The following C2CD5 variants were observed in gnomAD, a reference collection of about 807,000 sequenced individuals.
C2CD5 encodes C2 domain-containing protein 5.
Under a neutral mutation model 130.3 loss-of-function variants are expected in C2CD5, and 109 were observed. That is an observed-to-expected ratio of 0.84 (90% confidence interval 0.72 to 0.98). The LOEUF is 0.98. Among genes scored for constraint, C2CD5 ranks in the 50% least tolerant of loss-of-function variants. The probability of loss-of-function intolerance (pLI) is 0.00; values close to 1 mark genes in which losing one functional copy is unlikely to be tolerated. For synonymous variants in C2CD5, 454 were observed against 429.2 expected, an observed-to-expected ratio of 1.06 and a Z score of -0.71; for missense variants, 996 against 1,261.8, an observed-to-expected ratio of 0.79 and a Z score of 3.19.
rs112188075 is a variant in C2CD5, at chr12:22,449,519, T to C, written c.*241A>G. On this transcript the variant is annotated 3_prime_UTR_variant, in exon 27 of 27. Coordinates refer to ENST00000446597, the MANE Select transcript of C2CD5 (RefSeq NM_001286176.2). Reference sequence around the variant, plus strand: ...AAAGGTTCCATCTTTGCTACGGTTCTTTTAAAAATTTATCTTAACTTACTG... The same window carrying C: ...AAAGGTTCCATCTTTGCTACGGTTCCTTTAAAAATTTATCTTAACTTACTG... 1.8e-5 allele frequency: 6 copies of C among 338,992 alleles called. No homozygotes were observed. Among genetic ancestry groups the C allele is most frequent in the African/African-American group, 8.4e-5 (4 of 47,470 alleles). The allele number at this position is 338,992 out of a possible 1,614,324, so 21.0% of individuals were successfully genotyped here. A position where few individuals can be genotyped will look rare whatever the true frequency, so the allele number is the denominator to read the frequency against.
chr12:22,495,099 A>C (rs1946841304), intron 10 of C2CD5, among the ~76,000 whole-genome samples: 1 of 152,132 alleles, frequency 6.6e-6, no homozygotes, highest in African/African-American at 2.4e-5. Flanking sequence ...TTTCCCAAAA[A>C]ATTGCATGAA....
chr12:22,479,998 G>A (rs1591776018), intron 14 of C2CD5, among the ~76,000 whole-genome samples: 1 of 152,132 alleles, frequency 6.6e-6, no homozygotes, highest in South Asian at 2.1e-4. Context: ...AGGGATTGAT[G>A]AAGAAATCTG....
Position 22,469,778 on chromosome 12 carries a change from C to T in C2CD5, c.2464G>A (p.Glu822Lys). 6.3e-7 allele frequency: 1 copy of T among 1,598,662 alleles called. No homozygotes were observed. Among genetic ancestry groups the T allele is most frequent in the Non-Finnish European group, 8.5e-7 (1 of 1,171,616 alleles). Reference sequence around the variant, plus strand: ...AGTTCCAGTGGAAATTGTAAAAGTTCTTCATTATCTGTTGAGGCTAGAAAG... The same window carrying T: ...AGTTCCAGTGGAAATTGTAAAAGTTTTTCATTATCTGTTGAGGCTAGAAAG... ...SLQRASTDNE[E>K]LLQFPLELCS... The change falls in exon 22 of 27, where the codon GAA becomes AAA. Residue 822 changes from glutamate (E) to lysine (K), a missense_variant. Transcript: ENST00000446597.
intron 13 of C2CD5, among the ~76,000 whole-genome samples, chr12:22,483,609 C>T (rs941611164): frequency 4.6e-5 from 7 of 151,870 alleles, no homozygotes; most frequent in African/African-American, 1.5e-4. Flanking sequence ...AATACTAAAG[C>T]GTACATTTAA....
At chr12:22,489,955 C>G (rs1030451735) in intron 12 of C2CD5, among the ~76,000 whole-genome samples, 168 bp downstream of exon 12, 1 of 152,124 alleles carries the variant, frequency 6.6e-6, no homozygotes, top group African/African-American at 2.4e-5. Context: ...ATCCAATACT[C>G]CTCTGTTACT....
chr12:22,456,929 G>C (rs774296580), intron 25 of C2CD5, 42 bp downstream of exon 25: 2 of 1,298,756 alleles, frequency 1.5e-6, no homozygotes, highest in East Asian at 5.1e-5. Flanking sequence ...TAAATCTTCA[G>C]AGAAAATTTT....
intron 1 of C2CD5, 46 bp downstream of exon 1, chr12:22,544,274 G>C (rs936406000): frequency 2.3e-5 from 17 of 731,728 alleles, no homozygotes; most frequent in South Asian, 1.7e-4. Flanking sequence ...GAGCGCGCGG[G>C]GGCGCGCGCG....
At chr12:22,491,633 G>A (rs1863918115) in intron 11 of C2CD5, among the ~76,000 whole-genome samples, 1 of 152,198 alleles carries the variant, frequency 6.6e-6, no homozygotes, top group East Asian at 1.9e-4. Context: ...CAGCACTTTG[G>A]GAGGCCGAGG....
intron 3 of C2CD5, among the ~76,000 whole-genome samples, chr12:22,533,163 G>T (rs76565227): frequency 1.3e-5 from 2 of 152,158 alleles, no homozygotes; most frequent in South Asian, 2.1e-4. Context: ...ACTTGGGAAG[G>T]GGGGGTGGTG....
At chr12:22,524,451 A>G in intron 6 of C2CD5, 21 bp downstream of exon 6, 1 of 1,607,796 alleles carries the variant, frequency 6.2e-7, no homozygotes, top group Non-Finnish European at 8.5e-7. Context: ...AGTCAGTAAT[A>G]AAGTTATTTT....
At chr12:22,472,619 T>C (rs761763251) in intron 17 of C2CD5, 125 bp downstream of exon 17, 31 of 745,348 alleles carry the variant, frequency 4.2e-5, no homozygotes, top group Non-Finnish European at 6.8e-5. Context: ...AGTAGCAAAG[T>C]ACATGACAAG....
intron 6 of C2CD5, among the ~76,000 whole-genome samples, chr12:22,523,946 CAT>C (rs1465023071): frequency 3.3e-5 from 5 of 151,788 alleles, no homozygotes; most frequent in African/African-American, 1.2e-4. Flanking sequence ...CACATATACA[CAT>C]ATAACTCTTA....
intron 24 of C2CD5, 84 bp downstream of exon 24, chr12:22,458,399 TG>T: frequency 2.0e-6 from 1 of 501,696 alleles, no homozygotes; most frequent in Non-Finnish European, 3.1e-6. Context: ...ATGTTATTAC[TG>T]GGTAGTAAGG....
intron 19 of C2CD5, 75 bp from the exon 20 acceptor site, chr12:22,471,563 T>TTA: frequency 1.3e-6 from 1 of 777,208 alleles, no homozygotes; most frequent in Non-Finnish European, 2.0e-6. Flanking sequence ...TTAATGTACA[T>TTA]TATATTATAG....
At chr12:22,502,442 A>T (rs1317400937) in intron 10 of C2CD5, among the ~76,000 whole-genome samples, 1 of 152,154 alleles carries the variant, frequency 6.6e-6, no homozygotes, top group East Asian at 1.9e-4. Context: ...CTGATATAGA[A>T]AACCATCCAA....
At chr12:22,526,433 T>C (rs892510113) in intron 4 of C2CD5, among the ~76,000 whole-genome samples, 1 of 152,214 alleles carries the variant, frequency 6.6e-6, no homozygotes, top group African/African-American at 2.4e-5. Flanking sequence ...TAATTTACAG[T>C]GTCAATAGCT....
At chr12:22,541,542 C>A (rs1952382429) in intron 2 of C2CD5, among the ~76,000 whole-genome samples, 1 of 152,172 alleles carries the variant, frequency 6.6e-6, no homozygotes, top group Non-Finnish European at 1.5e-5. Flanking sequence ...GTGCCAGCCA[C>A]ACGCATTTTC....
At position 22,523,521 on chromosome 12, in the gene C2CD5, C is replaced by T. The variant is rs143576325; in HGVS notation, c.705G>A (p.Val235=). ...CFDLEGESGL[V]VRAIGTACTL... ...TACACGCCGTTCCTATGGCTCGCAC[C>T]ACTAACCCAGACTCGCCCTCCAGAT... Residue 235 remains valine (V), a synonymous_variant, in exon 7 of 27, where the codon GTG becomes GTA. Transcript: ENST00000446597. 7 of 1,613,780 alleles carry T rather than the reference C, an allele frequency of 4.3e-6. No individual in the cohort carries two copies. In the East Asian group the frequency reaches 8.9e-5, roughly 21 times the overall value.
intron 2 of C2CD5, among the ~76,000 whole-genome samples, chr12:22,541,897 C>T (rs1212894154): frequency 1.3e-5 from 2 of 152,168 alleles, no homozygotes; most frequent in Non-Finnish European, 2.9e-5. Flanking sequence ...CATGTATATA[C>T]ATCGGCTAGA....
Sources: allele counts gnomAD v4.1 joint callset (sites outside exome capture counted in the v4.1 genomes callset), GRCh38; gene constraint gnomAD v4.1.1; transcripts MANE v1.5; gene names NCBI Gene and HGNC (gene_info 2026-07-23, HGNC 2026-07-21).